The following RELN variants were observed in gnomAD, a reference collection of about 807,000 sequenced individuals.
RELN encodes the protein reelin.
Under a neutral mutation model 427.6 loss-of-function variants are expected in RELN, and 108 were observed. That is an observed-to-expected ratio of 0.25 (90% CI 0.22 to 0.30). The LOEUF (loss-of-function observed/expected upper bound fraction) is 0.30. Ranked by LOEUF, RELN falls within the 10% of genes least tolerant of loss-of-function variation. The pLI is 1.00. For missense variants in RELN, 3,715 were observed against 4,302.8 expected, an observed-to-expected ratio of 0.86 and a Z score of 3.82; for synonymous variants, 1,524 against 1,513.4, an observed-to-expected ratio of 1.01 and a Z score of -0.16.
intron 6 of RELN, among the ~76,000 whole-genome samples, chr7:103,742,017 A>C (rs1790675488): frequency 6.6e-6 from 1 of 152,040 alleles, no homozygotes; most frequent in Non-Finnish European, 1.5e-5. Flanking sequence ...GGCACCCCCC[A>C]GTAGGGGCGG....
chr7:103,615,170 A>T (rs1269152262), intron 20 of RELN, among the ~76,000 whole-genome samples: 1 of 152,146 alleles, frequency 6.6e-6, no homozygotes, highest in Non-Finnish European at 1.5e-5. Context: ...GGTGCCTCAA[A>T]AATAAAGCTC....
intron 3 of RELN, among the ~76,000 whole-genome samples, chr7:103,830,653 C>T (rs1359634757): frequency 2.0e-5 from 3 of 151,702 alleles, no homozygotes; most frequent in South Asian, 4.2e-4. Context: ...TAAATATTAC[C>T]GTAAAGAATA....
chr7:103,654,785 CTACTT>C (rs900625546), intron 12 of RELN, among the ~76,000 whole-genome samples: 46 of 151,942 alleles, frequency 3.0e-4, no homozygotes, highest in African/African-American at 1.0e-3. Context: ...CTCTATTACT[CTACTT>C]TATAGTCATG....
intron 8 of RELN, among the ~76,000 whole-genome samples, chr7:103,711,823 AT>A (rs1369160323): frequency 5.9e-5 from 9 of 151,728 alleles, no homozygotes; most frequent in Non-Finnish European, 1.0e-4. Context: ...AACCTGGCTA[AT>A]TTTTTTGTAT....
In RELN at chr7:103,519,349, A is replaced by C; in HGVS notation, c.7836T>G (p.Ile2612Met). The C allele has an allele frequency of 6.2e-7, 1 of 1,614,058 alleles. No homozygotes were observed. ...CGGGCTTACTGTACTGGTCATAGAAAATCTCCATGAGCAGGTTCCAGGTAA... is the reference window on the plus strand; with the variant it reads ...CGGGCTTACTGTACTGGTCATAGAACATCTCCATGAGCAGGTTCCAGGTAA... ...GGITWNLLME[I>M]FYDQYSKPGF... Residue 2612 changes from isoleucine (I) to methionine (M), a missense_variant, in exon 49 of 65, where the codon ATT becomes ATG. Ile to Met is a conservative substitution (Grantham distance 10, BLOSUM62 1). This residue lies in a region of RELN where 1,310 missense variants were observed against 1,643.0 expected (regional missense o/e 0.80). Coordinates refer to ENST00000428762, the MANE Select transcript of RELN (RefSeq NM_005045.4).
intron 3 of RELN, among the ~76,000 whole-genome samples, chr7:103,790,697 C>T (rs1792140428): frequency 6.6e-6 from 1 of 152,082 alleles, no homozygotes; most frequent in East Asian, 1.9e-4. Context: ...GGCGTGGTGG[C>T]TCATGCCTGT....
chr7:103,677,324 T>C (rs1562952682), intron 11 of RELN, among the ~76,000 whole-genome samples: 1 of 151,126 alleles, frequency 6.6e-6, no homozygotes, highest in Non-Finnish European at 1.5e-5. Flanking sequence ...GATGGGTTGA[T>C]GGGTGCAGCA....
chr7:103,864,635 A>C (rs1448774325), intron 2 of RELN, among the ~76,000 whole-genome samples: 7 of 152,180 alleles, frequency 4.6e-5, no homozygotes, highest in African/African-American at 1.7e-4. Flanking sequence ...TCCTTAAATA[A>C]GCAACCTAAC....
intron 3 of RELN, among the ~76,000 whole-genome samples, chr7:103,791,766 C>A (rs1055198568): frequency 9.5e-5 from 9 of 94,374 alleles, no homozygotes; most frequent in African/African-American, 4.2e-4. Context: ...ACAAAGGATA[C>A]CATTTAAAAA....
rs145612499 is a variant in RELN at position 103,817,915 on chromosome 7, G to A, written c.473+15622C>T. 9.9e-3 allele frequency among the ~76,000 whole-genome samples: 1,314 copies of A among 132,260 alleles called. 23 individuals are homozygous for A. The highest frequency in any genetic ancestry group is 0.036 in the African/African-American group (1,256 of 34,510). 86.8% of individuals were successfully genotyped at this position (132,260 alleles called of 152,430 possible). A position where few individuals can be genotyped will look rare whatever the true frequency, so the allele number is the denominator to read the frequency against. The stretch of plus-strand genomic sequence containing the variant: ...AGCTGAGATCTGCACTCCAGCCTGG[G>A]TGACAGAGTAAGACTCCATCTCAAA... On this transcript the variant is annotated intron_variant, in intron 3 of 64. Coordinates refer to ENST00000428762, the MANE Select transcript of RELN (RefSeq NM_005045.4).
chr7:103,728,147 G>A lies in RELN; in HGVS notation c.717C>T (p.Ala239=), dbSNP rs368472328. 7.4e-6 allele frequency: 12 copies of A among 1,613,784 alleles called. No homozygotes were observed. Among genetic ancestry groups the A allele is most frequent in the Middle Eastern group, 1.7e-4 (1 of 6,058 alleles). The stretch of plus-strand genomic sequence containing the variant: ...GGCCATATGGTTCACAGAAGGTGAC[G>A]GCATTGCCATGCATAATCGCGCCAC... The part of the protein sequence containing the change: ...EQCGAIMHGN[A]VTFCEPYGPR... Residue 239 remains alanine (A), a synonymous_variant, in exon 7 of 65, where the codon GCC becomes GCT. Coordinates refer to ENST00000428762, the MANE Select transcript of RELN (RefSeq NM_005045.4).
At chr7:103,854,745 C>T (rs757867276) in intron 2 of RELN, among the ~76,000 whole-genome samples, 1 of 152,168 alleles carries the variant, frequency 6.6e-6, no homozygotes, top group Non-Finnish European at 1.5e-5. Flanking sequence ...GAACAAAGAA[C>T]GTGTCAGGAG....
chr7:103,841,736 A>G (rs1207059547), intron 2 of RELN, among the ~76,000 whole-genome samples: 1 of 152,194 alleles, frequency 6.6e-6, no homozygotes, highest in Admixed American at 6.5e-5. Context: ...GTTCATAAAA[A>G]TGTAGGCTAC....
At chr7:103,917,223 G>C (rs758726600) in intron 1 of RELN, 38 bp from the exon 2 acceptor site, 2 of 1,412,814 alleles carry the variant, frequency 1.4e-6, no homozygotes, top group Admixed American at 3.4e-5. Flanking sequence ...TCTCAATACA[G>C]TCAGAATAAC....
chr7:103,850,125 CAA>C (rs1429309259), intron 2 of RELN, among the ~76,000 whole-genome samples: 1 of 152,168 alleles, frequency 6.6e-6, no homozygotes, highest in African/African-American at 2.4e-5. Context: ...TTTCTATCCA[CAA>C]AATATATCAT....
intron 25 of RELN, among the ~76,000 whole-genome samples, chr7:103,594,795 A>G (rs1309021557): frequency 3.9e-5 from 6 of 152,208 alleles, no homozygotes; most frequent in Admixed American, 3.3e-4. Flanking sequence ...ATAACTTTTT[A>G]AAGAAATATC....
intron 52 of RELN, 96 bp downstream of exon 52, chr7:103,502,920 C>T (rs2117039076): frequency 2.9e-6 from 3 of 1,036,804 alleles, no homozygotes; most frequent in Non-Finnish European, 4.5e-6. Flanking sequence ...AGCACTTTAC[C>T]CACAAATACA....
At chr7:103,577,941 GCT>G (rs776659733) in intron 28 of RELN, among the ~76,000 whole-genome samples, 1 of 152,176 alleles carries the variant, frequency 6.6e-6, no homozygotes, top group Non-Finnish European at 1.5e-5. Context: ...CCAGCTTCAG[GCT>G]CTCTCACCTG....
At chr7:103,911,520 C>T (rs1162727594) in intron 2 of RELN, among the ~76,000 whole-genome samples, 2 of 147,396 alleles carry the variant, frequency 1.4e-5, no homozygotes, top group African/African-American at 2.5e-5. Flanking sequence ...ACCCAAATGA[C>T]TATAAATCAT....
Sources: gnomAD v4.1 joint callset for allele counts (sites outside exome capture counted in the v4.1 genomes callset) on GRCh38, gnomAD v4.1.1 for gene constraint, gnomAD v4.1.1 regional missense constraint, MANE v1.5 for transcripts, NCBI Gene and HGNC (gene_info 2026-07-23, HGNC 2026-07-21) for gene names.